TNIK: variants seen among roughly 807,000 people sequenced by gnomAD.
The protein encoded by TNIK is TRAF2 and NCK-interacting protein kinase.
TNIK carries 49 observed loss-of-function variants against 191.3 expected under a neutral mutation model. The ratio of observed to expected loss-of-function variants is 0.26; its 90% CI spans 0.20 to 0.32. The LOEUF is 0.32. TNIK is among the 10% of genes least tolerant of loss of function. The probability of loss-of-function intolerance (pLI) is 1.00; values close to 1 mark genes in which losing one functional copy is unlikely to be tolerated. For synonymous variants in TNIK, 594 were observed against 600.9 expected (o/e 0.99, Z 0.17); for missense variants, 1,155 against 1,702.3 (o/e 0.68, Z 5.66).
chr3:171,304,300 C>T (rs1198674084), intron 2 of TNIK, among the ~76,000 whole-genome samples: 1 of 152,024 alleles, frequency 6.6e-6, no homozygotes, highest in Non-Finnish European at 1.5e-5. Context: ...CAAATCAAAA[C>T]CACAATGAGA....
chr3:171,092,388 A>G (rs1231399923), intron 23 of TNIK, among the ~76,000 whole-genome samples: 1 of 152,226 alleles, frequency 6.6e-6, no homozygotes, highest in African/African-American at 2.4e-5. Flanking sequence ...ACTCTGTCAT[A>G]AAGACTCAAG....
chr3:171,140,219 T>C (rs535953875), intron 13 of TNIK, among the ~76,000 whole-genome samples, 180 bp downstream of exon 13: 1 of 152,178 alleles, frequency 6.6e-6, no homozygotes, highest in Non-Finnish European at 1.5e-5. Context: ...CAAGGCTGAA[T>C]AGGTGGGCAT....
At chr3:171,066,818 AG>A in intron 30 of TNIK, 83 bp from the exon 31 acceptor site, 3 of 1,471,158 alleles carry the variant, frequency 2.0e-6, no homozygotes, top group South Asian at 2.8e-5. Flanking sequence ...TGCAAAAAAG[AG>A]GTTTTTGTTT....
chr3:171,376,799 A>C (rs974100237), intron 1 of TNIK, among the ~76,000 whole-genome samples: 3 of 145,390 alleles, frequency 2.1e-5, no homozygotes, highest in Non-Finnish European at 4.4e-5. Context: ...TAGATGAGAG[A>C]GATATGGCTA....
chr3:171,303,045 T>C (rs969241509), intron 2 of TNIK, among the ~76,000 whole-genome samples: 3 of 152,212 alleles, frequency 2.0e-5, no homozygotes, highest in Admixed American at 6.6e-5. Flanking sequence ...CAAAATTGCT[T>C]ATAACAAAGC....
At chr3:171,151,250 A>G (rs1026513297) in intron 12 of TNIK, among the ~76,000 whole-genome samples, 3 of 152,272 alleles carry the variant, frequency 2.0e-5, no homozygotes, top group Admixed American at 6.5e-5. Flanking sequence ...AAAGCTGGCC[A>G]TCTAAGAACT....
intron 29 of TNIK, among the ~76,000 whole-genome samples, chr3:171,069,603 C>T (rs958782986): frequency 2.0e-5 from 3 of 152,168 alleles, no homozygotes; most frequent in Non-Finnish European, 4.4e-5. Context: ...TGATGGCTTG[C>T]ATTGACTATT....
chr3:171,155,932 G>A (rs1236620534), intron 12 of TNIK, among the ~76,000 whole-genome samples: 1 of 152,158 alleles, frequency 6.6e-6, no homozygotes, highest in Non-Finnish European at 1.5e-5. Flanking sequence ...CCTTTAACAA[G>A]TTATTAACCT....
chr3:171,351,267 A>ATGTGTGTGTGTGTGTG (rs1161906508), intron 2 of TNIK, among the ~76,000 whole-genome samples: 1 of 45,886 alleles, frequency 2.2e-5, no homozygotes, highest in Non-Finnish European at 5.5e-5. Flanking sequence ...ATATATATGT[A>ATGTGTGTGTGTGTGTG]TATATGTGTG....
chr3:171,318,678 T>A (rs1044786884), intron 2 of TNIK, among the ~76,000 whole-genome samples: 6 of 152,100 alleles, frequency 3.9e-5, no homozygotes, highest in Admixed American at 3.9e-4. Flanking sequence ...GATATCAAAA[T>A]TTTTTTAATT....
intron 2 of TNIK, among the ~76,000 whole-genome samples, chr3:171,354,834 A>G (rs1713786378): frequency 6.6e-6 from 1 of 152,208 alleles, no homozygotes; most frequent in African/African-American, 2.4e-5. Context: ...AATTTCAAAG[A>G]GCACATCTGA....
At chr3:171,167,040 C>G in intron 10 of TNIK, 55 bp downstream of exon 10, 1 of 1,571,098 alleles carries the variant, frequency 6.4e-7, no homozygotes, top group South Asian at 1.2e-5. Flanking sequence ...CATCAAGCGC[C>G]CATGATTCAC....
At chr3:171,333,940 A>G (rs139800714) in intron 2 of TNIK, among the ~76,000 whole-genome samples, 10 of 152,308 alleles carry the variant, frequency 6.6e-5, no homozygotes, top group African/African-American at 2.4e-4. Flanking sequence ...CACACTGGAC[A>G]ACCCAGGAGC....
chr3:171,106,609 C>T (rs1013148695), intron 21 of TNIK: 3 of 509,154 alleles, frequency 5.9e-6, no homozygotes, highest in African/African-American at 3.9e-5. Context: ...AGCAAGCTAC[C>T]TACAACTGAC....
intron 2 of TNIK, among the ~76,000 whole-genome samples, chr3:171,265,077 TAGA>T (rs1748207550): frequency 1.3e-5 from 2 of 152,142 alleles, no homozygotes; most frequent in African/African-American, 2.4e-5. Context: ...AGGCATCTAC[TAGA>T]AGAAGGGAAA....
At chr3:171,120,011 G>A (rs1234038574) in intron 18 of TNIK, among the ~76,000 whole-genome samples, 3 of 152,160 alleles carry the variant, frequency 2.0e-5, no homozygotes, top group Non-Finnish European at 4.4e-5. Flanking sequence ...GTGGAAGAGT[G>A]ACATAATAGG....
At chr3:171,079,708 C>G in intron 27 of TNIK, 56 bp from the exon 28 acceptor site, 2 of 1,530,964 alleles carry the variant, frequency 1.3e-6, no homozygotes, top group Non-Finnish European at 1.8e-6. Context: ...TCACTTTTTC[C>G]TTCCCCACCT....
intron 23 of TNIK, among the ~76,000 whole-genome samples, chr3:171,087,747 C>A (rs1332923460): frequency 6.6e-6 from 1 of 152,184 alleles, no homozygotes; most frequent in Non-Finnish European, 1.5e-5. Flanking sequence ...ACAGTGGTCA[C>A]ATATGGCATG....
At chr3:171,300,304 C>G (rs1055610034) in intron 2 of TNIK, among the ~76,000 whole-genome samples, 3 of 152,176 alleles carry the variant, frequency 2.0e-5, no homozygotes, top group Admixed American at 6.5e-5. Context: ...CGGTCATGCC[C>G]TATGGGGCCA....
Sources: gnomAD v4.1 joint callset for allele counts (sites outside exome capture counted in the v4.1 genomes callset) on GRCh38, gnomAD v4.1.1 for gene constraint, MANE v1.5 for transcripts, NCBI Gene and HGNC (gene_info 2026-07-23, HGNC 2026-07-21) for gene names.